PRPF18: variants seen among roughly 807,000 people sequenced by gnomAD.
The protein encoded by PRPF18 is pre-mRNA processing factor 18, also known as pre-mRNA-splicing factor 18.
Under a neutral mutation model 46.5 loss-of-function variants are expected in PRPF18, and 38 were observed. The observed-to-expected ratio is 0.82, with a 90% CI of 0.63 to 1.07. PRPF18 has a LOEUF of 1.07. PRPF18 is among the 50% of genes least tolerant of loss of function. The probability of loss-of-function intolerance (pLI) is 0.00; values close to 1 mark genes in which losing one functional copy is unlikely to be tolerated. For missense variants in PRPF18, 263 were observed against 410.0 expected (o/e 0.64, Z 3.10); for synonymous variants, 152 against 146.7 (o/e 1.04, Z -0.26).
At chr10:13,618,403 A>G (rs2080375172) in intron 9 of PRPF18, among the ~76,000 whole-genome samples, 2 of 152,060 alleles carry the variant, frequency 1.3e-5, no homozygotes, top group African/African-American at 4.8e-5. Flanking sequence ...TGTGGCGGGA[A>G]GATTGCCTGA....
intron 4 of PRPF18, among the ~76,000 whole-genome samples, chr10:13,607,086 C>T (rs1041305212): frequency 6.6e-6 from 1 of 152,010 alleles, no homozygotes; most frequent in Non-Finnish European, 1.5e-5. Flanking sequence ...TAAAGTCTTT[C>T]TTTCCTTATT....
At chr10:13,588,365 C>A (rs1461318108) in intron 1 of PRPF18, among the ~76,000 whole-genome samples, 1 of 151,626 alleles carries the variant, frequency 6.6e-6, no homozygotes, top group Non-Finnish European at 1.5e-5. Flanking sequence ...CGACATCGCA[C>A]CACTGCACTC....
chr10:13,647,036 C>T, the PRPF18 span: 1 of 895,438 alleles, frequency 1.1e-6, no homozygotes, highest in Non-Finnish European at 1.3e-6. Flanking sequence ...ATTGTAGCTC[C>T]TGTGGGAGGC....
At chr10:13,654,649 G>C in the PRPF18 span, 2 of 626,188 alleles carry the variant, frequency 3.2e-6, no homozygotes, top group African/African-American at 1.8e-5. Flanking sequence ...GGACCCCAGA[G>C]CAGGGTCTCA....
chr10:13,652,048 A>C, the PRPF18 span: 15 of 825,578 alleles, frequency 1.8e-5, no homozygotes, highest in South Asian at 2.0e-4. Context: ...AGACACAGAC[A>C]CGATTAGTAG....
the PRPF18 span, chr10:13,646,873 T>G: frequency 3.0e-6 from 1 of 332,524 alleles, no homozygotes; most frequent in Non-Finnish European, 4.3e-6. Flanking sequence ...GTAAGGCAAA[T>G]GAGAGGCAGT....
At chr10:13,589,320 A>T (rs998667098) in intron 1 of PRPF18, among the ~76,000 whole-genome samples, 1 of 152,266 alleles carries the variant, frequency 6.6e-6, no homozygotes, top group Non-Finnish European at 1.5e-5. Context: ...AAGCCAGTTT[A>T]GCTTGCAACT....
At chr10:13,624,045 C>G (rs528617090) in intron 9 of PRPF18, among the ~76,000 whole-genome samples, 2 of 152,348 alleles carry the variant, frequency 1.3e-5, no homozygotes, top group Admixed American at 1.3e-4. Flanking sequence ...AATGCAGTGG[C>G]ATGATCTTGG....
chr10:13,609,523 G>C (rs1335044500), intron 4 of PRPF18, among the ~76,000 whole-genome samples: 2 of 152,152 alleles, frequency 1.3e-5, no homozygotes, highest in Non-Finnish European at 2.9e-5. Context: ...TTCATTAAAG[G>C]GTCATGAACC....
Position 13,615,936 on chromosome 10 carries a change from G to A in PRPF18, c.793-462G>A, listed in dbSNP as rs2478125. On this transcript the variant is annotated intron_variant, in intron 8 of 9. Transcript: ENST00000378572. ...ATACTGAGCCCCCACTTCCTTCAGAGAGCCACAGTGCTGTGTAGGGAGTGG... is the reference window on the plus strand; with the variant it reads ...ATACTGAGCCCCCACTTCCTTCAGAAAGCCACAGTGCTGTGTAGGGAGTGG... Among the ~76,000 whole-genome samples the A allele has an allele frequency of 4.3e-3, 660 of 152,306 alleles. 2 individuals are homozygous for A. The highest frequency in any genetic ancestry group is 0.015 in the African/African-American group (640 of 41,566).
chr10:13,589,201 G>A (rs1365831877), intron 1 of PRPF18, among the ~76,000 whole-genome samples: 1 of 152,220 alleles, frequency 6.6e-6, no homozygotes, highest in African/African-American at 2.4e-5. Context: ...TTTTCTTGAA[G>A]TGATCTGCTC....
intron 6 of PRPF18, 76 bp downstream of exon 6, chr10:13,611,759 G>A: frequency 1.5e-6 from 2 of 1,316,852 alleles, no homozygotes; most frequent in South Asian, 1.2e-5. Flanking sequence ...ATTACCAAGG[G>A]TTAAAGGCTG....
the PRPF18 span, chr10:13,649,769 G>C: frequency 1.3e-5 from 2 of 152,174 alleles, no homozygotes; most frequent in African/African-American, 4.8e-5. Context: ...CAATTTTCCG[G>C]TAGTAGTCAA....
At chr10:13,593,935 A>G (rs558667023) in intron 1 of PRPF18, among the ~76,000 whole-genome samples, 9 of 152,152 alleles carry the variant, frequency 5.9e-5, no homozygotes, top group Non-Finnish European at 1.0e-4. Flanking sequence ...GAAATGGGTA[A>G]ATACCCCAGG....
At chr10:13,634,005 C>A (rs2080613274), downstream of PRPF18, among the ~76,000 whole-genome samples, 1 of 152,138 alleles carries the variant, frequency 6.6e-6, no homozygotes, top group South Asian at 2.1e-4. Flanking sequence ...TTAACAGTAA[C>A]TTTAAAATCA....
intron 9 of PRPF18, among the ~76,000 whole-genome samples, chr10:13,622,436 C>T (rs1020931334): frequency 5.9e-5 from 9 of 152,212 alleles, no homozygotes; most frequent in South Asian, 2.1e-4. Flanking sequence ...CTCAACCACA[C>T]GGTTGGAAAA....
the PRPF18 span, chr10:13,638,609 C>T: frequency 6.6e-6 from 1 of 152,072 alleles, no homozygotes; most frequent in Non-Finnish European, 1.5e-5. Context: ...GCCTGAGAAC[C>T]AGGAGAGCTG....
the PRPF18 span, chr10:13,638,640 AG>A: frequency 6.6e-6 from 1 of 152,216 alleles, no homozygotes; most frequent in Non-Finnish European, 1.5e-5. Context: ...TCCAGTCTGC[AG>A]GTGGACTGGA....
At chr10:13,587,198 A>ATG (rs780732119) in intron 1 of PRPF18, 46 bp downstream of exon 1, 21 of 1,566,374 alleles carry the variant, frequency 1.3e-5, no homozygotes, top group African/African-American at 2.7e-5. Context: ...GAGTGAGAGT[A>ATG]TGTGTGTCGG....
Sources: gnomAD v4.1 joint callset for allele counts (sites outside exome capture counted in the v4.1 genomes callset) on GRCh38, gnomAD v4.1.1 for gene constraint, MANE v1.5 for transcripts, NCBI Gene and HGNC (gene_info 2026-07-23, HGNC 2026-07-21) for gene names.